The following FYB1 variants were observed in gnomAD, a reference collection of about 807,000 sequenced individuals.
FYB1 encodes FYN binding protein 1, also known as FYN-binding protein 1.
In FYB1, 41 loss-of-function variants were observed where a neutral mutation model predicts 94.1. The observed-to-expected ratio is 0.44, with a 90% CI of 0.34 to 0.57. The LOEUF (loss-of-function observed/expected upper bound fraction) is 0.57, where lower values mean the gene tolerates loss of function less well. Among genes scored for constraint, FYB1 ranks in the 20% least tolerant of loss-of-function variants. The probability of loss-of-function intolerance (pLI) is 0.02; values close to 1 mark genes in which losing one functional copy is unlikely to be tolerated. For missense variants in FYB1, 1,050 were observed against 976.8 expected, an observed-to-expected ratio of 1.07 and a Z score of -1.00; for synonymous variants, 367 against 353.2, an observed-to-expected ratio of 1.04 and a Z score of -0.44.
intron 15 of FYB1, 38 bp downstream of exon 15, chr5:39,119,497 G>A (rs1208174133): frequency 7.2e-7 from 1 of 1,385,746 alleles, no homozygotes; most frequent in African/African-American, 1.5e-5. Flanking sequence ...TTTTTCAATA[G>A]TGCTTTGTAC....
intron 2 of FYB1, among the ~76,000 whole-genome samples, chr5:39,176,853 T>A (rs1745782290): frequency 6.6e-6 from 1 of 152,220 alleles, no homozygotes; most frequent in African/African-American, 2.4e-5. Flanking sequence ...ATTGAGATGG[T>A]GTAGGCAGCT....
At chr5:39,119,451 C>T in intron 15 of FYB1, 84 bp downstream of exon 15, 1 of 994,680 alleles carries the variant, frequency 1.0e-6, no homozygotes, top group Non-Finnish European at 1.4e-6. Context: ...TTGGATTTTT[C>T]AATAGTGTTT....
At chr5:39,189,252 TAGGATCTCTG>T (rs1747145495) in intron 2 of FYB1, among the ~76,000 whole-genome samples, 2 of 150,486 alleles carry the variant, frequency 1.3e-5, no homozygotes, top group Admixed American at 6.6e-5. Flanking sequence ...TTTTTTTTTT[TAGGATCTCTG>T]TTTATTAGGC....
chr5:39,246,039 G>A (rs1751464260), intron 1 of FYB1, among the ~76,000 whole-genome samples: 1 of 152,196 alleles, frequency 6.6e-6, no homozygotes, highest in South Asian at 2.1e-4. Context: ...CAACTCTGTT[G>A]TTCCAAGAGG....
chr5:39,187,378 G>C (rs1455581545), intron 2 of FYB1, among the ~76,000 whole-genome samples: 1 of 152,168 alleles, frequency 6.6e-6, no homozygotes, highest in African/African-American at 2.4e-5. Context: ...TAGGACAACT[G>C]CCTAGCTTGC....
At chr5:39,131,505 A>C (rs192629997) in intron 9 of FYB1, among the ~76,000 whole-genome samples, 25 of 152,368 alleles carry the variant, frequency 1.6e-4, no homozygotes, top group Admixed American at 1.4e-3. Flanking sequence ...CCTAACGTTA[A>C]AAGTGGGTGA....
chr5:39,189,724 G>A (rs534479092), intron 2 of FYB1, among the ~76,000 whole-genome samples: 1 of 152,324 alleles, frequency 6.6e-6, no homozygotes, highest in Admixed American at 6.5e-5. Flanking sequence ...TTGAAGGACG[G>A]AGACTGCCAA....
intron 1 of FYB1, among the ~76,000 whole-genome samples, chr5:39,209,650 A>G (rs574747819): frequency 2.6e-5 from 4 of 152,272 alleles, no homozygotes; most frequent in African/African-American, 9.6e-5. Context: ...TTAATGAATT[A>G]TAATTTACAT....
chr5:39,245,773 A>AT (rs1363726662), intron 1 of FYB1, among the ~76,000 whole-genome samples: 1 of 151,934 alleles, frequency 6.6e-6, no homozygotes, highest in Non-Finnish European at 1.5e-5. Context: ...TAGTTTTTGT[A>AT]TTTTTAGTAG....
chr5:39,128,321 A>G (rs1740874513), intron 10 of FYB1, among the ~76,000 whole-genome samples: 2 of 152,148 alleles, frequency 1.3e-5, no homozygotes, highest in African/African-American at 4.8e-5. Flanking sequence ...TTGTTATTCT[A>G]TGCTCTTCAG....
intron 2 of FYB1, among the ~76,000 whole-genome samples, chr5:39,182,056 C>T (rs957192705): frequency 5.3e-5 from 8 of 152,062 alleles, no homozygotes; most frequent in African/African-American, 1.9e-4. Context: ...TCTTCCCAAA[C>T]ATCAAAACCT....
At chr5:39,217,271 C>A (rs1749938967) in intron 1 of FYB1, among the ~76,000 whole-genome samples, 1 of 152,228 alleles carries the variant, frequency 6.6e-6, no homozygotes. Context: ...TAGAACACAA[C>A]GTTTGAGAAA....
At chr5:39,131,024 TC>T (rs1741158410) in intron 9 of FYB1, among the ~76,000 whole-genome samples, 5 of 152,218 alleles carry the variant, frequency 3.3e-5, no homozygotes, top group Middle Eastern at 6.8e-3. Flanking sequence ...TCTTTCAATA[TC>T]TTTTGACCAC....
At chr5:39,270,483 A>C in intron 1 of FYB1, 1 of 1,305,926 alleles carries the variant, frequency 7.7e-7, no homozygotes. Context: ...CTGACTGTGA[A>C]GCACCCTCAA....
chr5:39,219,919 G>T (rs1236152192), upstream of FYB1, among the ~76,000 whole-genome samples: 1 of 152,136 alleles, frequency 6.6e-6, no homozygotes, highest in East Asian at 1.9e-4. Flanking sequence ...AATTAGAAAG[G>T]TCCACTGGAG....
intron 1 of FYB1, among the ~76,000 whole-genome samples, chr5:39,268,141 T>G (rs1364816003): frequency 1.3e-5 from 2 of 152,292 alleles, no homozygotes; most frequent in Middle Eastern, 3.4e-3. Context: ...ATGATGACAT[T>G]CTCGAAGGAT....
Position 39,127,854 on chromosome 5 carries a change from C to T in FYB1, c.1841-47G>A, listed in dbSNP as rs142247794. On this transcript the variant is annotated intron_variant, in intron 10 of 18. Coordinates refer to ENST00000512982, the MANE Select transcript of FYB1 (RefSeq NM_001465.6). ...ATCTTCTGTTAATTTTATAATTTGG[C>T]CATGTAATGCTCACTCAGATTTTAA... 261 of 1,532,096 alleles carry T rather than the reference C, an allele frequency of 1.7e-4. 1 individual carries two copies. Among genetic ancestry groups the T allele is most frequent in the Admixed American group, 5.1e-4 (24 of 47,052 alleles). The allele number at this position is 1,532,096 out of a possible 1,614,324, so 94.9% of individuals were successfully genotyped here.
At chr5:39,199,104 A>G (rs1257600332) in intron 2 of FYB1, among the ~76,000 whole-genome samples, 1 of 151,554 alleles carries the variant, frequency 6.6e-6, no homozygotes, top group Non-Finnish European at 1.5e-5. Flanking sequence ...ACGTATATGT[A>G]TATTATTATT....
At chr5:39,270,227 A>T (rs1422839229) in intron 1 of FYB1, among the ~76,000 whole-genome samples, 1 of 152,156 alleles carries the variant, frequency 6.6e-6, no homozygotes, top group Non-Finnish European at 1.5e-5. Flanking sequence ...CTTTCCTGGG[A>T]TCCAAACTGC....
Sources: gnomAD v4.1 joint callset for allele counts (sites outside exome capture counted in the v4.1 genomes callset) on GRCh38, gnomAD v4.1.1 for gene constraint, MANE v1.5 for transcripts, NCBI Gene and HGNC (gene_info 2026-07-23, HGNC 2026-07-21) for gene names.